Variants in NUMA1 observed in about 807,000 individuals in gnomAD.
NUMA1 encodes the protein SP-H antigen.
NUMA1 carries 62 observed loss-of-function variants against 237.1 expected under a neutral mutation model. That is an observed-to-expected ratio of 0.26 (90% CI 0.21 to 0.32). The LOEUF is 0.32. NUMA1 is among the 10% of genes least tolerant of loss of function. The probability of loss-of-function intolerance (pLI) is 1.00; values close to 1 mark genes in which losing one functional copy is unlikely to be tolerated. For missense variants in NUMA1, 2,533 were observed against 2,666.5 expected, an observed-to-expected ratio of 0.95 and a Z score of 1.10; for synonymous variants, 1,028 against 1,066.1, an observed-to-expected ratio of 0.96 and a Z score of 0.70.
intron 2 of NUMA1, among the ~76,000 whole-genome samples, chr11:72,047,349 A>G (rs1565272546): frequency 1.3e-5 from 2 of 151,348 alleles, no homozygotes; most frequent in Non-Finnish European, 2.9e-5. Flanking sequence ...TTAGCCAGAC[A>G]TGGTGGTGTG....
At position 72,006,282 on chromosome 11, in the gene NUMA1, C is replaced by T. The variant is rs1421820502; in HGVS notation, c.5464-19G>A. The T allele has an allele frequency of 4.3e-6, 7 of 1,609,218 alleles. No individual in the cohort carries two copies. The highest frequency in any genetic ancestry group is 1.1e-5 in the South Asian group (1 of 90,866). ...CTAGCTTCTGGAAGACAGAGTGAAT[C>T]TGTTGCAGTGTACAGTCCCTGGCAC... On this transcript the variant is annotated intron_variant, in intron 21 of 26. Coordinates refer to ENST00000393695, the MANE Select transcript of NUMA1 (RefSeq NM_006185.4).
chr11:72,069,247 A>C (rs975159034), intron 2 of NUMA1, among the ~76,000 whole-genome samples: 5 of 152,220 alleles, frequency 3.3e-5, no homozygotes, highest in Non-Finnish European at 7.3e-5. Context: ...GAAATCTTCA[A>C]GATCATATAA....
rs765612536 is a variant in NUMA1 at position 72,015,575 on chromosome 11, C to T, written c.1928G>A (p.Arg643Gln). 5 of 1,613,514 alleles carry T rather than the reference C, an allele frequency of 3.1e-6. No homozygotes were observed. The highest frequency in any genetic ancestry group is 2.2e-5 in the East Asian group (1 of 44,894). ...SAQTSVTQAQ[R>Q]EKAELSRKVE... ...CTTCCGGCTCAGCTCTGCCTTCTCC[C>T]GCTGGGCCTGTGTCACTGAGGTCTG... The change falls in exon 15 of 27, where the codon CGG (arginine) becomes CAG (glutamine). Residue 643 changes from arginine to glutamine, a missense_variant. By Grantham distance (43) the Arg-to-Gln change is conservative. Coordinates refer to ENST00000393695, the MANE Select transcript of NUMA1 (RefSeq NM_006185.4). This position sits in a 1 kb window ranked among gnomAD's most constrained non-coding sequence, Gnocchi z 4.0.
intron 2 of NUMA1, among the ~76,000 whole-genome samples, chr11:72,052,594 C>A (rs943324747): frequency 6.6e-6 from 1 of 151,966 alleles, no homozygotes; most frequent in East Asian, 1.9e-4. Flanking sequence ...GGTGAAACCC[C>A]GTCTCTACTA....
Position 72,018,418 on chromosome 11 carries a change from C to T in NUMA1, c.838G>A (p.Glu280Lys). The change falls in exon 11 of 27, where the codon GAG (glutamate) becomes AAG (lysine). Residue 280 changes from glutamate (E) to lysine (K), a missense_variant. Physicochemically the swap from Glu to Lys is moderately conservative, Grantham distance 56 (BLOSUM62 1). Around this residue, in one of 3 missense-constraint regions of NUMA1, gnomAD observed 1,414 missense variants for 1,508.1 expected, o/e 0.94. Coordinates refer to ENST00000393695, the MANE Select transcript of NUMA1 (RefSeq NM_006185.4). The part of the protein sequence containing the change: ...ASPLEPKELE[E>K]LRDKNESLTM... Reference sequence around the variant, plus strand: ...TACCTCTCATTCTTGTCACGCAGCTCCTCAAGCTCCTTGGGCTCCAGTGGG... The same window carrying T: ...TACCTCTCATTCTTGTCACGCAGCTTCTCAAGCTCCTTGGGCTCCAGTGGG... 3.7e-6 allele frequency: 6 copies of T among 1,614,108 alleles called. No individual in the cohort carries two copies. The highest frequency in any genetic ancestry group is 1.1e-5 in the South Asian group (1 of 91,072).
At chr11:72,034,461 C>T (rs1940757428) in intron 3 of NUMA1, among the ~76,000 whole-genome samples, 1 of 151,844 alleles carries the variant, frequency 6.6e-6, no homozygotes, top group South Asian at 2.1e-4. Flanking sequence ...GTAATCCCAG[C>T]ACTTTGGGAG....
chr11:72,016,300 C>T lies in NUMA1; in HGVS notation c.1243-40G>A, dbSNP rs1370018080. ...AGACAAACTGGGATCAGCATGACTC[C>T]TCAGTCATCAAGACTCCTCTGGAAA... On this transcript the variant is annotated intron_variant, in intron 14 of 26. Transcript: ENST00000393695. 9 of 1,584,278 alleles carry T rather than the reference C, an allele frequency of 5.7e-6. No homozygotes were observed. In the African/African-American group the frequency reaches 1.2e-4, roughly 21 times the overall value.
chr11:72,070,892 G>A (rs760091738), intron 1 of NUMA1, among the ~76,000 whole-genome samples: 8 of 152,172 alleles, frequency 5.3e-5, no homozygotes, highest in South Asian at 2.1e-4. Flanking sequence ...TGAGCATCAC[G>A]ATAACCTTTT....
rs746196417 is a variant in NUMA1, at chr11:72,016,020, G to A, written c.1483C>T (p.Arg495Trp). Reference sequence around the variant, plus strand: ...AGAGAGGCCACCTGGGCAGTCAACCGGGCCCCATGAGCCTGGGAGGCCTGC... The same window carrying A: ...AGAGAGGCCACCTGGGCAGTCAACCAGGCCCCATGAGCCTGGGAGGCCTGC... ...LEQASQAHGA[R>W]LTAQVASLTS... Residue 495 changes from arginine to tryptophan, a missense_variant, in exon 15 of 27, where the codon CGG (arginine) becomes TGG (tryptophan). Arg to Trp is a moderately radical substitution (Grantham distance 101). Coordinates refer to ENST00000393695, the MANE Select transcript of NUMA1 (RefSeq NM_006185.4). 19 of 1,613,972 alleles carry A rather than the reference G, an allele frequency of 1.2e-5. No homozygotes were observed. Among genetic ancestry groups the A allele is most frequent in the South Asian group, 2.2e-5 (2 of 91,084 alleles).
chr11:72,013,434 C>G lies in NUMA1; in HGVS notation c.4069G>C (p.Val1357Leu), dbSNP rs1009648312. The G allele has an allele frequency of 6.2e-7, 1 of 1,613,124 alleles. No individual in the cohort carries two copies. Among genetic ancestry groups the G allele is most frequent in the Admixed American group, 1.7e-5 (1 of 60,004 alleles). ...TGCTTAGCTGGCAGCAGCTCACTCA[C>G]CAGGGCCTGTGTGCTGGTGTGCTCG... ...QLEHTSTQAL[V>L]SELLPAKHLC... The change falls in exon 15 of 27, where the codon GTG becomes CTG. Residue 1357 changes from valine to leucine, a missense_variant. Transcript: ENST00000393695. The surrounding 1 kb of genome is among the most constrained non-coding windows in gnomAD (Gnocchi z 6.8).
At chr11:72,051,497 G>T (rs1433577167) in intron 2 of NUMA1, among the ~76,000 whole-genome samples, 7 of 146,574 alleles carry the variant, frequency 4.8e-5, no homozygotes, top group African/African-American at 1.5e-4. Context: ...TTGAGACAAG[G>T]TCTCACTCTG....
intron 2 of NUMA1, among the ~76,000 whole-genome samples, chr11:72,039,209 A>T (rs1427597784): frequency 6.6e-6 from 1 of 152,248 alleles, no homozygotes; most frequent in Non-Finnish European, 1.5e-5. Context: ...GCTGAGGCTA[A>T]TGTAAACCAC....
At position 72,013,780 on chromosome 11, in the gene NUMA1, G is replaced by T; in HGVS notation, c.3723C>A (p.Val1241=). The change falls in exon 15 of 27, where the codon GTC becomes GTA. Residue 1241 remains valine (V), a synonymous_variant. Transcript: ENST00000393695. The surrounding 1 kb of genome is among the most constrained non-coding windows in gnomAD (Gnocchi z 6.8). ...CCTTGCTCTCCCCCTCCTTCTCCAGGACCTGGCGATTCAGGATGGACACCT... is the reference window on the plus strand; with the variant it reads ...CCTTGCTCTCCCCCTCCTTCTCCAGTACCTGGCGATTCAGGATGGACACCT... ...EEEVSILNRQ[V]LEKEGESKEL... is the part of the protein sequence containing the mutation. The T allele has an allele frequency of 6.2e-7, 1 of 1,609,996 alleles. No individual in the cohort carries two copies.
intron 15 of NUMA1, 65 bp from the exon 16 acceptor site, chr11:72,012,507 G>C (rs2070518017): frequency 6.7e-7 from 1 of 1,494,490 alleles, no homozygotes; most frequent in South Asian, 1.2e-5. Flanking sequence ...CAGCCCTGCT[G>C]CCAGGCTGAC....
At chr11:72,005,820 G>A (rs1265450766) in intron 22 of NUMA1, 1 of 573,120 alleles carries the variant, frequency 1.7e-6, no homozygotes, top group African/African-American at 1.9e-5. Context: ...GGAATCCCGG[G>A]CCCTTAACTC....
At position 72,014,344 on chromosome 11, in the gene NUMA1, A is replaced by G; in HGVS notation, c.3159T>C (p.Ala1053=). Residue 1053 remains alanine (A), a synonymous_variant, in exon 15 of 27, where the codon GCT becomes GCC. Coordinates refer to ENST00000393695, the MANE Select transcript of NUMA1 (RefSeq NM_006185.4). This position sits in a 1 kb window ranked among gnomAD's most constrained non-coding sequence, Gnocchi z 4.6. Reference sequence around the variant, plus strand: ...TGCCTTCCTTTTCCGTCAGGGCATGAGCCAGTGCCTCTTGCAGGGTAGCGA... The same window carrying G: ...TGCCTTCCTTTTCCGTCAGGGCATGGGCCAGTGCCTCTTGCAGGGTAGCGA... ...VEFATLQEAL[A]HALTEKEGKD... is the part of the protein sequence containing the mutation. The G allele has an allele frequency of 6.2e-7, 1 of 1,613,686 alleles. No homozygotes were observed. The highest frequency in any genetic ancestry group is 1.3e-5 in the African/African-American group (1 of 75,036).
At chr11:72,012,496 C>A in intron 15 of NUMA1, 54 bp from the exon 16 acceptor site, 2 of 1,544,324 alleles carry the variant, frequency 1.3e-6, no homozygotes, top group South Asian at 1.1e-5. Context: ...CAAAGAAGCA[C>A]CAGCCCTGCT....
intron 2 of NUMA1, 48 bp from the exon 3 acceptor site, chr11:72,036,023 A>C (rs1167876127): frequency 7.0e-6 from 10 of 1,421,618 alleles, no homozygotes; most frequent in Non-Finnish European, 9.9e-6. Context: ...TCAGATATCC[A>C]TGATCAAGAA....
At position 72,003,343 on chromosome 11, in the gene NUMA1, T is replaced by A; in HGVS notation, c.*184A>T. On this transcript the variant is annotated 3_prime_UTR_variant, in exon 27 of 27. Coordinates refer to ENST00000393695, the MANE Select transcript of NUMA1 (RefSeq NM_006185.4). Reference sequence around the variant, plus strand: ...CATGCTCCAGGCCCCCTGGGCCAGCTCCGAGAAGGCGCCAGTGAAGGACCA... The same window carrying A: ...CATGCTCCAGGCCCCCTGGGCCAGCACCGAGAAGGCGCCAGTGAAGGACCA... 2 of 645,334 alleles carry A rather than the reference T, an allele frequency of 3.1e-6. No homozygotes were observed. Among genetic ancestry groups the A allele is most frequent in the Non-Finnish European group, 5.6e-6 (2 of 355,390 alleles). 40.0% of individuals were successfully genotyped at this position (645,334 alleles called of 1,614,324 possible). A position where few individuals can be genotyped will look rare whatever the true frequency, so the allele number is the denominator to read the frequency against.
Sources: gnomAD v4.1 joint callset for allele counts (sites outside exome capture counted in the v4.1 genomes callset) on GRCh38, gnomAD v4.1.1 for gene constraint, gnomAD v4.1.1 regional missense constraint, Gnocchi (gnomAD v3.1) non-coding constraint, MANE v1.5 for transcripts, NCBI Gene and HGNC (gene_info 2026-07-23, HGNC 2026-07-21) for gene names.